KIF1A: variants seen among roughly 807,000 people sequenced by gnomAD.
The protein encoded by KIF1A is kinesin family member 1A, also known as kinesin-like protein KIF1A.
A neutral mutation model predicts 227.3 loss-of-function variants in KIF1A; 46 were observed. That is an observed-to-expected ratio of 0.20 (90% CI 0.16 to 0.26). The LOEUF is 0.26. Among genes scored for constraint, KIF1A ranks in the 10% least tolerant of loss-of-function variants. The pLI is 1.00. For synonymous variants in KIF1A, 1,022 were observed against 1,012.8 expected (o/e 1.01, Z -0.17); for missense variants, 1,683 against 2,485.9 (o/e 0.68, Z 6.87).
Position 240,722,635 on chromosome 2 carries a change from G to A in KIF1A, c.4486C>T (p.Leu1496=), listed in dbSNP as rs2045543045. The A allele has an allele frequency of 6.4e-7, 1 of 1,554,582 alleles. No individual in the cohort carries two copies. The highest frequency in any genetic ancestry group is 8.7e-7 in the Non-Finnish European group (1 of 1,148,818). Residue 1496 remains leucine, a synonymous_variant, in exon 43 of 49, where the codon CTG becomes TTG. Transcript: ENST00000498729. ...LQEVEKTRHY[L]LLREKLETAQ... is the part of the protein sequence containing the mutation. ...GTCTCCAGCTTCTCCCGCAGGAGCAGGTAGTGCCTAGTCTTCTCCACCTTC... is the reference window on the plus strand; with the variant it reads ...GTCTCCAGCTTCTCCCGCAGGAGCAAGTAGTGCCTAGTCTTCTCCACCTTC...
At chr2:240,770,933 A>T (rs200495310) in intron 15 of KIF1A, 38 bp downstream of exon 15, 2 of 1,603,062 alleles carry the variant, frequency 1.2e-6, no homozygotes, top group Non-Finnish European at 1.7e-6. Flanking sequence ...CCCCACTCCC[A>T]GAGTCTGACA....
At chr2:240,774,285 GC>G in intron 11 of KIF1A, 24 bp from the exon 12 acceptor site, 2 of 1,543,258 alleles carry the variant, frequency 1.3e-6, no homozygotes, top group Non-Finnish European at 1.8e-6. Context: ...ACCAGGTTGT[GC>G]CCAGAGGGGG....
In KIF1A at chr2:240,761,138, C is replaced by T. The variant is rs1864878; in HGVS notation, c.2265+91G>A. ...TGCCACCCCCGGGGCCGGCAGAGAG[C>T]CAAGTGCTGAGTCCCAAGTAGCTGT... is the stretch of plus-strand genomic sequence containing the variant. On this transcript the variant is annotated intron_variant, in intron 24 of 48. Transcript: ENST00000498729. The T allele has an allele frequency of 6.2e-3, 8,847 of 1,436,538 alleles. 451 individuals are homozygous for T. In the African/African-American group the frequency reaches 0.11, roughly 17 times the overall value. The allele number at this position is 1,436,538 out of a possible 1,614,324, so 89.0% of individuals were successfully genotyped here.
At position 240,774,266 on chromosome 2, in the gene KIF1A, G is replaced by C; in HGVS notation, c.959-5C>G. 6.2e-7 allele frequency: 1 copy of C among 1,606,214 alleles called. No individual in the cohort carries two copies. The highest frequency in any genetic ancestry group is 1.1e-5 in the South Asian group (1 of 90,694). The stretch of plus-strand genomic sequence containing the variant: ...TAGCTGTCCTTGAGTTACCGCCTGT[G>C]GGAAGAAGACCAGGTTGTGCCCAGA... On this transcript the variant is annotated splice_polypyrimidine_tract_variant and splice_region_variant and intron_variant, in intron 11 of 48. Coordinates refer to ENST00000498729, the MANE Select transcript of KIF1A (RefSeq NM_001244008.2).
chr2:240,777,825 C>T (rs1008869947), intron 10 of KIF1A, among the ~76,000 whole-genome samples: 1 of 152,230 alleles, frequency 6.6e-6, no homozygotes, highest in East Asian at 1.9e-4. Context: ...GCTCCTCAAC[C>T]AGTTCCTCGA....
intron 1 of KIF1A, among the ~76,000 whole-genome samples, chr2:240,812,638 G>A (rs112191895): frequency 8.5e-4 from 40 of 47,330 alleles, no homozygotes; most frequent in East Asian, 1.2e-3. Flanking sequence ...TCACCTCTGG[G>A]TCCGCCTTCA....
At chr2:240,728,115 G>A (rs763544001) in intron 38 of KIF1A, among the ~76,000 whole-genome samples, 2 of 152,288 alleles carry the variant, frequency 1.3e-5, no homozygotes, top group Admixed American at 1.3e-4. Flanking sequence ...CCGAGACCGC[G>A]GTGGAGCACA....
At chr2:240,735,428 T>C (rs1443501820) in intron 38 of KIF1A, among the ~76,000 whole-genome samples, 1 of 150,540 alleles carries the variant, frequency 6.6e-6, no homozygotes, top group Non-Finnish European at 1.5e-5. Context: ...GCTGGTCTTC[T>C]GAGGAAGACC....
intron 17 of KIF1A, among the ~76,000 whole-genome samples, chr2:240,768,531 A>G (rs1198339373): frequency 6.6e-6 from 1 of 152,126 alleles, no homozygotes; most frequent in East Asian, 1.9e-4. Flanking sequence ...ACCACAAGAA[A>G]GACTTTTTCC....
At chr2:240,727,309 G>A (rs1265518432) in intron 38 of KIF1A, among the ~76,000 whole-genome samples, 1 of 152,172 alleles carries the variant, frequency 6.6e-6, no homozygotes, top group Admixed American at 6.5e-5. Flanking sequence ...GGGGAACACA[G>A]GGAAGGGAGA....
Position 240,725,708 on chromosome 2 carries a change from C to A in KIF1A, c.4123-304G>T. 3.0e-6 allele frequency: 1 copy of A among 332,738 alleles called. No individual in the cohort carries two copies. Among genetic ancestry groups the A allele is most frequent in the Non-Finnish European group, 5.5e-6 (1 of 183,046 alleles). 20.6% of individuals were successfully genotyped at this position (332,738 alleles called of 1,614,324 possible). A position where few individuals can be genotyped will look rare whatever the true frequency, so the allele number is the denominator to read the frequency against. ...ACTGCTCGGGCCTCAGCTGCCTCAC[C>A]ATAAAATTGGGGTGACCCCTCCCCG... On this transcript the variant is annotated intron_variant, in intron 39 of 48. Transcript: ENST00000498729. The surrounding 1 kb of genome is among the most constrained non-coding windows in gnomAD (Gnocchi z 5.8).
At chr2:240,782,313 C>T in intron 10 of KIF1A, 3 of 690,632 alleles carry the variant, frequency 4.3e-6, no homozygotes, top group African/African-American at 1.9e-5. Context: ...AGGGCCCCCA[C>T]GCCCCCCGGG....
At chr2:240,753,882 G>C (rs562629603) in intron 27 of KIF1A, among the ~76,000 whole-genome samples, 21 of 152,252 alleles carry the variant, frequency 1.4e-4, no homozygotes, top group Middle Eastern at 3.4e-3. Flanking sequence ...GCCTGCAAGG[G>C]ACTCATCTCC....
At chr2:240,809,558 C>A (rs186840370) in intron 1 of KIF1A, among the ~76,000 whole-genome samples, 1 of 152,288 alleles carries the variant, frequency 6.6e-6, no homozygotes, top group Non-Finnish European at 1.5e-5. Context: ...CATTAGATCC[C>A]TTTATATGTC....
At chr2:240,782,010 GC>G (rs893196998) in intron 10 of KIF1A, 17 of 985,222 alleles carry the variant, frequency 1.7e-5, no homozygotes, top group Non-Finnish European at 1.9e-5. Flanking sequence ...CCGTGGTGGC[GC>G]CCGCCCTGTC....
chr2:240,720,044 G>T, intron 45 of KIF1A, 118 bp from the exon 46 acceptor site: 3 of 1,032,664 alleles, frequency 2.9e-6, no homozygotes, highest in Admixed American at 3.3e-5. Flanking sequence ...CCTTCGCAGG[G>T]TCTCTCCAGC....
At chr2:240,807,102 G>T (rs1287629646) in intron 1 of KIF1A, among the ~76,000 whole-genome samples, 1 of 102,134 alleles carries the variant, frequency 9.8e-6, no homozygotes, top group African/African-American at 4.5e-5. Context: ...GTGTGTGTGT[G>T]TGTGTGTGTG....
intron 6 of KIF1A, 91 bp from the exon 7 acceptor site, chr2:240,785,191 G>T (rs539038599): frequency 2.3e-5 from 23 of 988,274 alleles, no homozygotes; most frequent in Non-Finnish European, 3.2e-5. Flanking sequence ...CCAGGTCATC[G>T]GGGGGGGCAG....
chr2:240,745,445 G>C lies in KIF1A; in HGVS notation c.3447C>G (p.Gly1149=). 6.2e-7 allele frequency: 1 copy of C among 1,613,610 alleles called. No individual in the cohort carries two copies. The highest frequency in any genetic ancestry group is 8.5e-7 in the Non-Finnish European group (1 of 1,179,648). Residue 1149 remains glycine, a synonymous_variant, in exon 32 of 49, where the codon GGC becomes GGG. Transcript: ENST00000498729. ...LKNTGRGPPL[G]FYHVQNIAVE... ...AACGTACGTTCTGGACGTGGTAGAA[G>C]CCAAGTGGGGGGCCTCTGCCTGTGT...
Sources: allele counts gnomAD v4.1 joint callset (sites outside exome capture counted in the v4.1 genomes callset), GRCh38; gene constraint gnomAD v4.1.1; non-coding constraint Gnocchi (gnomAD v3.1); transcripts MANE v1.5; gene names NCBI Gene and HGNC (gene_info 2026-07-23, HGNC 2026-07-21).